The following ZNF232 variants were observed in gnomAD, a reference collection of about 807,000 sequenced individuals.
ZNF232 encodes zinc finger and SCAN domain-containing protein 11.
ZNF232 carries 25 observed loss-of-function variants against 25.2 expected under a neutral mutation model. The ratio of observed to expected loss-of-function variants is 0.99; its 90% CI spans 0.72 to 1.39. The LOEUF is 1.39. Ranked by LOEUF, ZNF232 falls within the 40% of genes most tolerant of loss-of-function variation. ZNF232 has a pLI of 0.00. For missense variants in ZNF232, 519 were observed against 520.9 expected, an observed-to-expected ratio of 1.00 and a Z score of 0.04; for synonymous variants, 193 against 182.9, an observed-to-expected ratio of 1.06 and a Z score of -0.45.
chr17:5,113,989 T>C (rs1017167388), upstream of ZNF232: 2 of 152,196 alleles, frequency 1.3e-5, no homozygotes, highest in Non-Finnish European at 2.9e-5. Context: ...GGTAAGCATT[T>C]GGGAAGGACA....
At chr17:5,122,546 G>A (rs559730038) in intron 1 of ZNF232, among the ~76,000 whole-genome samples, 1 of 152,226 alleles carries the variant, frequency 6.6e-6, no homozygotes, top group Admixed American at 6.5e-5. Context: ...CGTGCCACCC[G>A]GGAGGCCGAA....
intron 1 of ZNF232, chr17:5,121,712 C>T (rs545591131): frequency 6.7e-5 from 11 of 163,806 alleles, no homozygotes; most frequent in South Asian, 1.6e-4. Flanking sequence ...AGCAGGAGAT[C>T]GCCACCTACA....
chr17:5,122,588 C>T (rs371670215), intron 1 of ZNF232, among the ~76,000 whole-genome samples: 28 of 152,258 alleles, frequency 1.8e-4, no homozygotes, highest in African/African-American at 6.8e-4. Context: ...CTCCCCAGCC[C>T]AACCCAGCCC....
At chr17:5,120,775 G>A in intron 1 of ZNF232, 1 of 447,032 alleles carries the variant, frequency 2.2e-6, no homozygotes, top group East Asian at 6.9e-5. Context: ...GCCAAGGGCT[G>A]TTTCTTCAGC....
At chr17:5,118,850 C>CT (rs2072589381) in intron 1 of ZNF232, among the ~76,000 whole-genome samples, 1 of 152,202 alleles carries the variant, frequency 6.6e-6, no homozygotes, top group South Asian at 2.1e-4. Context: ...CATCTACTGA[C>CT]TGAGTCTGGG....
At chr17:5,106,469 T>C (rs757377259) in exon 4 of ZNF232, 1 of 1,614,226 alleles carries the variant, frequency 6.2e-7, no homozygotes. Flanking sequence ...GTGGCAATGA[T>C]CCTTTGTCCT....
chr17:5,120,344 G>A (rs1398352234), intron 1 of ZNF232, among the ~76,000 whole-genome samples: 2 of 152,122 alleles, frequency 1.3e-5, no homozygotes, highest in Non-Finnish European at 2.9e-5. Context: ...CCACTGTGCT[G>A]GGGGGTTGTT....
upstream of ZNF232, among the ~76,000 whole-genome samples, chr17:5,115,551 C>T (rs928482047): frequency 1.4e-5 from 1 of 69,934 alleles, no homozygotes; most frequent in Non-Finnish European, 3.6e-5. Context: ...ACTCCGTCTC[C>T]AAAAACACAC....
intron 1 of ZNF232, among the ~76,000 whole-genome samples, chr17:5,121,157 T>C (rs987082106): frequency 1.3e-5 from 2 of 152,116 alleles, no homozygotes; most frequent in Admixed American, 6.5e-5. Flanking sequence ...GTGCCTGTCT[T>C]TGAGGTGCCG....
chr17:5,116,075 G>A (rs762696382), upstream of ZNF232, among the ~76,000 whole-genome samples: 53 of 152,200 alleles, frequency 3.5e-4, no homozygotes, highest in Non-Finnish European at 6.6e-4. Flanking sequence ...CCGACGCCCA[G>A]CTCCAAATGC....
chr17:5,120,735 A>C (rs1000107274), intron 1 of ZNF232: 6 of 436,960 alleles, frequency 1.4e-5, no homozygotes, highest in Non-Finnish European at 2.3e-5. Flanking sequence ...TGACCAGGAC[A>C]AGAAATTGGT....
At chr17:5,112,881 C>T (rs1288263687), upstream of ZNF232, among the ~76,000 whole-genome samples, 1 of 151,914 alleles carries the variant, frequency 6.6e-6, no homozygotes, top group African/African-American at 2.4e-5. Flanking sequence ...ATCGTTTGAA[C>T]CCGGGAGGCA....
In ZNF232 at chr17:5,120,858, C is replaced by T. The variant is rs551477343; in HGVS notation, c.-530+2119G>A. 11 of 454,440 alleles carry T rather than the reference C, an allele frequency of 2.4e-5. No individual in the cohort carries two copies. The East Asian group carries it at 3.5e-4, about 14-fold the overall frequency. 28.2% of individuals were successfully genotyped at this position (454,440 alleles called of 1,614,324 possible). A position where few individuals can be genotyped will look rare whatever the true frequency, so the allele number is the denominator to read the frequency against. On this transcript the variant is annotated intron_variant, in intron 1 of 4. Transcript: ENST00000250076. ...GTGCTGCATGCTGGTGCAGCTGGAA[C>T]GCTGGCAGATCCACAGGCTGTCCCA... is the stretch of plus-strand genomic sequence containing the variant.
intron 1 of ZNF232, chr17:5,111,598 C>A: frequency 1.4e-6 from 1 of 707,730 alleles, no homozygotes; most frequent in Non-Finnish European, 2.3e-6. Flanking sequence ...AGAAGAGGAA[C>A]ATCAAGACCC....
chr17:5,106,097 T>C, exon 4 of ZNF232: 2 of 1,614,240 alleles, frequency 1.2e-6, no homozygotes, highest in Non-Finnish European at 1.7e-6. Context: ...GTTTCTCTCC[T>C]GTATGAATTC....
intron 3 of ZNF232, among the ~76,000 whole-genome samples, chr17:5,107,071 G>C (rs1238439766): frequency 1.3e-5 from 2 of 151,740 alleles, no homozygotes; most frequent in Non-Finnish European, 2.9e-5. Flanking sequence ...GGTGCTCTCT[G>C]CCTTTCTCTT....
intron 1 of ZNF232, chr17:5,111,061 A>T (rs1480932065): frequency 3.9e-5 from 6 of 152,194 alleles, no homozygotes; most frequent in African/African-American, 1.4e-4. Context: ...TTTACACAAG[A>T]TAAGGTAGAC....
At chr17:5,106,131 C>G in exon 4 of ZNF232, 1 of 1,614,190 alleles carries the variant, frequency 6.2e-7, no homozygotes, top group South Asian at 1.1e-5. Context: ...GAGGTTTGAG[C>G]TCTGTTTGAA....
At chr17:5,113,176 C>T (rs1445024265), upstream of ZNF232, among the ~76,000 whole-genome samples, 1 of 152,174 alleles carries the variant, frequency 6.6e-6, no homozygotes, top group African/African-American at 2.4e-5. Context: ...CGCATTGACA[C>T]CCCCATGGCT....
Sources: allele counts gnomAD v4.1 joint callset (sites outside exome capture counted in the v4.1 genomes callset), GRCh38; gene constraint gnomAD v4.1.1; transcripts MANE v1.5; gene names NCBI Gene and HGNC (gene_info 2026-07-23, HGNC 2026-07-21).